The following CHSY3 variants were observed in gnomAD, a reference collection of about 807,000 sequenced individuals.
CHSY3 encodes N-acetylgalactosaminyl-proteoglycan 3-beta-glucuronosyltransferase 3.
CHSY3 carries 35 observed loss-of-function variants against 67.2 expected under a neutral mutation model. The ratio of observed to expected loss-of-function variants is 0.52; its 90% CI spans 0.40 to 0.69. The LOEUF is 0.69. CHSY3 is among the 30% of genes least tolerant of loss of function. CHSY3 has a pLI of 0.00. For missense variants in CHSY3, 1,069 were observed against 1,138.5 expected (o/e 0.94, Z 0.88); for synonymous variants, 474 against 434.7 (o/e 1.09, Z -1.12).
At chr5:129,914,546 G>T (rs146477729) in intron 2 of CHSY3, among the ~76,000 whole-genome samples, 2 of 152,178 alleles carry the variant, frequency 1.3e-5, no homozygotes, top group East Asian at 1.9e-4. Flanking sequence ...ATCTTTTCTT[G>T]GTCTGATTCA....
At chr5:130,122,974 C>A (rs1472262505) in intron 2 of CHSY3, among the ~76,000 whole-genome samples, 1 of 151,796 alleles carries the variant, frequency 6.6e-6, no homozygotes, top group Non-Finnish European at 1.5e-5. Context: ...CTAGGTATTT[C>A]TCATCTTTAC....
intron 2 of CHSY3, among the ~76,000 whole-genome samples, chr5:130,055,445 T>C (rs1475534918): frequency 6.6e-6 from 1 of 152,090 alleles, no homozygotes; most frequent in Non-Finnish European, 1.5e-5. Context: ...CATTAATAAG[T>C]AGATTGTGAA....
intron 2 of CHSY3, among the ~76,000 whole-genome samples, chr5:130,047,818 G>A (rs565181348): frequency 4.6e-5 from 7 of 151,398 alleles, no homozygotes; most frequent in South Asian, 2.1e-4. Context: ...ATGTATATGC[G>A]AATATATGTT....
intron 2 of CHSY3, among the ~76,000 whole-genome samples, chr5:130,022,654 T>C (rs1264121241): frequency 3.3e-5 from 5 of 151,952 alleles, no homozygotes; most frequent in Non-Finnish European, 7.4e-5. Context: ...ACTTAATAAA[T>C]GACAATATCA....
Position 130,184,658 on chromosome 5 carries a change from A to G in CHSY3, c.1516A>G (p.Ile506Val). Residue 506 changes from isoleucine to valine, a missense_variant, in exon 3 of 3, where the codon ATC becomes GTC. By Grantham distance (29) the Ile-to-Val change is conservative. Transcript: ENST00000305031. ...TACCGTCCTACAGGTGATGGAGATGATCAATGAGAATGCCAAGAGCAGAGG... is the reference window on the plus strand; with the variant it reads ...TACCGTCCTACAGGTGATGGAGATGGTCAATGAGAATGCCAAGAGCAGAGG... ...DDTVLQVMEM[I>V]NENAKSRGRL... The G allele has an allele frequency of 1.2e-6, 2 of 1,604,218 alleles. No homozygotes were observed. The highest frequency in any genetic ancestry group is 2.2e-5 in the South Asian group (2 of 90,884).
At position 130,065,846 on chromosome 5, in the gene CHSY3, G is replaced by A. The variant is rs554754276; in HGVS notation, c.1087-118383G>A. On this transcript the variant is annotated intron_variant, in intron 2 of 2. Coordinates refer to ENST00000305031, the MANE Select transcript of CHSY3 (RefSeq NM_175856.5). ...CCAGTTTACTAAACTGAAATGTCTG[G>A]TTCACACAGTCTCCTCCCCTGTCGT... Among the ~76,000 whole-genome samples the A allele has an allele frequency of 7.9e-5, 12 of 152,108 alleles. No homozygotes were observed. The South Asian group carries it at 2.1e-3, about 26-fold the overall frequency.
At chr5:129,904,261 C>G (rs1344753001), upstream of CHSY3, among the ~76,000 whole-genome samples, 4 of 141,058 alleles carry the variant, frequency 2.8e-5, no homozygotes, top group African/African-American at 5.4e-5. Context: ...GAGAGGAGGC[C>G]GGCTCTGGAC....
intron 2 of CHSY3, among the ~76,000 whole-genome samples, chr5:129,910,686 A>C (rs187258097): frequency 5.3e-5 from 8 of 152,130 alleles, no homozygotes; most frequent in African/African-American, 1.7e-4. Flanking sequence ...AACTTGGGGC[A>C]CAGCTAAACT....
intron 2 of CHSY3, among the ~76,000 whole-genome samples, chr5:130,144,588 A>G (rs1037026077): frequency 4.6e-5 from 7 of 152,200 alleles, no homozygotes; most frequent in Non-Finnish European, 7.3e-5. Context: ...CCTAAAGGAA[A>G]GTACAGATTC....
intron 2 of CHSY3, among the ~76,000 whole-genome samples, chr5:130,088,077 A>G (rs989166940): frequency 6.6e-6 from 1 of 152,132 alleles, no homozygotes; most frequent in Non-Finnish European, 1.5e-5. Context: ...ATATACAACT[A>G]TCTGATCTTT....
chr5:129,968,404 A>C (rs1762527181), intron 2 of CHSY3, among the ~76,000 whole-genome samples: 1 of 151,804 alleles, frequency 6.6e-6, no homozygotes, highest in Admixed American at 6.6e-5. Flanking sequence ...TTCAATATTA[A>C]ATTTATTTTT....
intron 2 of CHSY3, among the ~76,000 whole-genome samples, chr5:130,100,625 G>T (rs183987874): frequency 1.3e-5 from 2 of 152,088 alleles, no homozygotes; most frequent in Non-Finnish European, 2.9e-5. Flanking sequence ...AAATAATGTA[G>T]CTATCATTAA....
In CHSY3 at chr5:129,951,655, T is replaced by C. The variant is rs373721753; in HGVS notation, c.1086+43295T>C. On this transcript the variant is annotated intron_variant, in intron 2 of 2. Coordinates refer to ENST00000305031, the MANE Select transcript of CHSY3 (RefSeq NM_175856.5). ...CTTGGGAAGACAGAGCCCCACCTGA[T>C]AGGGATCTCCACCCATTGTCTCTCC... Among the ~76,000 whole-genome samples the C allele has an allele frequency of 5.9e-5, 9 of 152,130 alleles. No individual in the cohort carries two copies. In the East Asian group the frequency reaches 1.5e-3, roughly 26 times the overall value.
intron 2 of CHSY3, among the ~76,000 whole-genome samples, chr5:130,039,416 A>G (rs1306236536): frequency 1.7e-5 from 2 of 119,166 alleles, no homozygotes; most frequent in African/African-American, 5.5e-5. Context: ...CTCTTGAGCC[A>G]GGAGTCCAAG....
chr5:130,033,315 C>T (rs1222827296), intron 2 of CHSY3, among the ~76,000 whole-genome samples: 2 of 152,082 alleles, frequency 1.3e-5, no homozygotes, highest in Admixed American at 6.6e-5. Flanking sequence ...ATATATACAA[C>T]TATTCTCTTT....
chr5:130,133,350 A>C (rs13167635), intron 2 of CHSY3, among the ~76,000 whole-genome samples: 50,468 of 151,998 alleles, frequency 0.33, 8,872 homozygotes, highest in Admixed American at 0.43. Flanking sequence ...ACTCATGACT[A>C]CCGGGTAGCC....
chr5:130,049,613 C>T (rs1018659020), intron 2 of CHSY3, among the ~76,000 whole-genome samples: 2 of 152,056 alleles, frequency 1.3e-5, no homozygotes, highest in African/African-American at 2.4e-5. Flanking sequence ...GCTCACTTAA[C>T]TGGCAAAGTA....
rs143055952 is a variant in CHSY3, at chr5:130,184,637, G to A, written c.1495G>A (p.Val499Ile). Residue 499 changes from valine to isoleucine, a missense_variant, in exon 3 of 3, where the codon GTC (valine) becomes ATC (isoleucine). Val to Ile is a conservative substitution (Grantham distance 29). This residue lies in a region of CHSY3 where 401 missense variants were observed against 395.2 expected (regional missense o/e 1.01). Transcript: ENST00000305031. Reference sequence around the variant, plus strand: ...TTTAAGAACAGCACTGGATGATACCGTCCTACAGGTGATGGAGATGATCAA... The same window carrying A: ...TTTAAGAACAGCACTGGATGATACCATCCTACAGGTGATGGAGATGATCAA... Reference protein sequence around the residue: ...SILRTALDDTVLQVMEMINEN... With the variant: ...SILRTALDDTILQVMEMINEN... 732 of 1,604,298 alleles carry A rather than the reference G, an allele frequency of 4.6e-4. 1 individual carries two copies. The highest frequency in any genetic ancestry group is 5.7e-4 in the Non-Finnish European group (673 of 1,171,132).
At chr5:130,005,430 CA>C (rs11325320) in intron 2 of CHSY3, among the ~76,000 whole-genome samples, 90,840 of 147,698 alleles carry the variant, frequency 0.62, 27,638 homozygotes, top group African/African-American at 0.68. Flanking sequence ...GACGAAACAA[CA>C]AAAAAAAAAA....
Sources: gnomAD v4.1 joint callset for allele counts (sites outside exome capture counted in the v4.1 genomes callset) on GRCh38, gnomAD v4.1.1 for gene constraint, gnomAD v4.1.1 regional missense constraint, MANE v1.5 for transcripts, NCBI Gene and HGNC (gene_info 2026-07-23, HGNC 2026-07-21) for gene names.